Variants in RUNDC1 observed in about 807,000 individuals in gnomAD.
The protein encoded by RUNDC1 is RUN domain containing 1, also known as RUN domain-containing protein 1.
In RUNDC1, 31 loss-of-function variants were observed where a neutral mutation model predicts 49.3. The observed-to-expected ratio is 0.63, with a 90% CI of 0.47 to 0.85. The LOEUF (loss-of-function observed/expected upper bound fraction) is 0.85, where lower values mean the gene tolerates loss of function less well. RUNDC1 is among the 40% of genes least tolerant of loss of function. The probability of loss-of-function intolerance (pLI) is 0.00; values close to 1 mark genes in which losing one functional copy is unlikely to be tolerated. For synonymous variants in RUNDC1, 347 were observed against 348.6 expected (o/e 1.00, Z 0.05); for missense variants, 715 against 806.7 (o/e 0.89, Z 1.38).
rs2151963130 is a variant in RUNDC1 at position 42,994,797 on chromosome 17, G to A, written c.*3081G>A. Among the ~76,000 whole-genome samples, 1 of 152,276 alleles carries A rather than the reference G, an allele frequency of 6.6e-6. No individual in the cohort carries two copies. Among genetic ancestry groups the A allele is most frequent in the East Asian group, 1.9e-4 (1 of 5,176 alleles). On this transcript the variant is annotated 3_prime_UTR_variant, in exon 5 of 5. Coordinates refer to ENST00000361677, the MANE Select transcript of RUNDC1 (RefSeq NM_173079.5). ...CTGTCATTACTGAGAACAGAGCTCT[G>A]TCCTTCACTTAGGGTGAGACAGGAC...
chr17:42,981,299 T>A, intron 1 of RUNDC1: 1 of 564,784 alleles, frequency 1.8e-6, no homozygotes, highest in Non-Finnish European at 3.0e-6. Flanking sequence ...TGTGGAGAGA[T>A]GTCGGTGCGT....
chr17:42,989,183 C>T (rs937217797), intron 2 of RUNDC1, among the ~76,000 whole-genome samples, 158 bp from the exon 3 acceptor site: 1 of 152,136 alleles, frequency 6.6e-6, no homozygotes, highest in Non-Finnish European at 1.5e-5. Flanking sequence ...AGTCTATGTC[C>T]TCACCTTGAT....
chr17:42,991,186 C>T lies in RUNDC1; in HGVS notation c.1312C>T (p.Leu438=), dbSNP rs755598572. 37 of 1,614,092 alleles carry T rather than the reference C, an allele frequency of 2.3e-5. No individual in the cohort carries two copies. Among genetic ancestry groups the T allele is most frequent in the Non-Finnish European group, 3.1e-5 (37 of 1,180,042 alleles). ...GCTAACGGTGGCTGTGAGGGACCTG[C>T]TGGCCCATGGACTGTATGCCTCCTC... ...KELTVAVRDL[L]AHGLYASSPG... Residue 438 remains leucine, a synonymous_variant, in exon 5 of 5, where the codon CTG becomes TTG. Transcript: ENST00000361677.
rs972259909 is a variant in RUNDC1, at chr17:42,982,832, A to C, written c.498+1758A>C. Among the ~76,000 whole-genome samples the C allele has an allele frequency of 3.3e-4, 50 of 151,396 alleles. 1 individual carries two copies. Among genetic ancestry groups the C allele is most frequent in the South Asian group, 2.1e-4 (1 of 4,790 alleles). On this transcript the variant is annotated intron_variant, in intron 1 of 4. Coordinates refer to ENST00000361677, the MANE Select transcript of RUNDC1 (RefSeq NM_173079.5). ...CTACTAAAAATACAAAAAAAAAAAA[A>C]AAAAACTAGCCAGACATGGTGGCAC...
chr17:42,991,090 A>T lies in RUNDC1; in HGVS notation c.1216A>T (p.Ile406Phe). The T allele has an allele frequency of 4.3e-6, 7 of 1,614,178 alleles. No homozygotes were observed. Among genetic ancestry groups the T allele is most frequent in the Non-Finnish European group, 5.9e-6 (7 of 1,180,020 alleles). Reference protein sequence around the residue: ...ALRQQPHDHVITSANLQDLSL... With the variant: ...ALRQQPHDHVFTSANLQDLSL... The stretch of plus-strand genomic sequence containing the variant: ...GAGGCAGCAGCCACATGACCATGTC[A>T]TCACCTCTGCCAACCTCCAGGACCT... Residue 406 changes from isoleucine (I) to phenylalanine (F), a missense_variant, in exon 5 of 5, where the codon ATC (isoleucine) becomes TTC (phenylalanine). By Grantham distance (21) the Ile-to-Phe change is conservative. Coordinates refer to ENST00000361677, the MANE Select transcript of RUNDC1 (RefSeq NM_173079.5).
At chr17:42,984,424 G>A (rs2151957389) in intron 1 of RUNDC1, among the ~76,000 whole-genome samples, 1 of 152,196 alleles carries the variant, frequency 6.6e-6, no homozygotes. Flanking sequence ...GGGACTGCAG[G>A]CATGTGCCAC....
Position 42,991,908 on chromosome 17 carries a change from C to T in RUNDC1, c.*192C>T, listed in dbSNP as rs529433902. 1 of 628,616 alleles carries T rather than the reference C, an allele frequency of 1.6e-6. No homozygotes were observed. The highest frequency in any genetic ancestry group is 2.7e-6 in the Non-Finnish European group (1 of 369,094). The allele number at this position is 628,616 out of a possible 1,614,324, so 38.9% of individuals were successfully genotyped here. On this transcript the variant is annotated 3_prime_UTR_variant, in exon 5 of 5. Coordinates refer to ENST00000361677, the MANE Select transcript of RUNDC1 (RefSeq NM_173079.5). ...CTCTCGGAAAGATGTGCTGGAGGGA[C>T]CCTCTTGTTAAGAAGGTTCTGCCAG...
chr17:42,991,639 C>T lies in RUNDC1; in HGVS notation c.1765C>T (p.Arg589Cys), dbSNP rs375753180. 3.5e-5 allele frequency: 56 copies of T among 1,614,122 alleles called. No individual in the cohort carries two copies. Among genetic ancestry groups the T allele is most frequent in the Middle Eastern group, 3.3e-4 (2 of 6,062 alleles). ...TGAGAGTGCCCTCAACCTGCTCAGT[C>T]GCCTCAGCAGCCTCAAGTTTAGCCT... ...GFESALNLLS[R>C]LSSLKFSLPV... Residue 589 changes from arginine (R) to cysteine (C), a missense_variant, in exon 5 of 5, where the codon CGC (arginine) becomes TGC (cysteine). This residue lies in a region of RUNDC1 where 425 missense variants were observed against 499.7 expected (regional missense o/e 0.85). Coordinates refer to ENST00000361677, the MANE Select transcript of RUNDC1 (RefSeq NM_173079.5).
chr17:42,991,362 C>T lies in RUNDC1; in HGVS notation c.1488C>T (p.Leu496=), dbSNP rs777111760. Residue 496 remains leucine, a synonymous_variant, in exon 5 of 5, where the codon CTC becomes CTT. Transcript: ENST00000361677. ...ATGTGGAATCCCCAGCCCGGAAGCT[C>T]TCCCAGTCCTTCGCCCTTCCTGTTA... is the stretch of plus-strand genomic sequence containing the variant. ...RAYVESPARK[L]SQSFALPVTG... The T allele has an allele frequency of 6.2e-7, 1 of 1,614,252 alleles. No individual in the cohort carries two copies. The highest frequency in any genetic ancestry group is 8.5e-7 in the Non-Finnish European group (1 of 1,180,048).
rs2050269255 is a variant in RUNDC1, at chr17:42,993,306, T to G, written c.*1590T>G. 1 of 152,202 alleles carries G rather than the reference T, an allele frequency of 6.6e-6. No individual in the cohort carries two copies. Among genetic ancestry groups the G allele is most frequent in the Non-Finnish European group, 1.5e-5 (1 of 68,046 alleles). 9.4% of individuals were successfully genotyped at this position (152,202 alleles called of 1,614,324 possible). On this transcript the variant is annotated 3_prime_UTR_variant, in exon 5 of 5. Transcript: ENST00000361677. ...TAGTTCATATTTGGCATGCAGCTTGTGGTGAGTACTGTTCTAGGACTGGCC... is the reference window on the plus strand; with the variant it reads ...TAGTTCATATTTGGCATGCAGCTTGGGGTGAGTACTGTTCTAGGACTGGCC...
rs1388906559 is a variant in RUNDC1 at position 42,980,833 on chromosome 17, AGCG to A, written c.266_268del (p.Arg89del). The stretch of plus-strand genomic sequence containing the variant: ...CGGACGCTGCGGCGGCTGCGGGCAG[AGCG>A]GCGGCGGCTGGACTCGGCGCTGCTG... On this transcript the variant is annotated inframe_deletion, in exon 1 of 5. Transcript: ENST00000361677. 3.6e-6 allele frequency: 5 copies of A among 1,380,962 alleles called. No individual in the cohort carries two copies. Among genetic ancestry groups the A allele is most frequent in the Non-Finnish European group, 3.7e-6 (4 of 1,078,134 alleles). The allele number at this position is 1,380,962 out of a possible 1,614,324, so 85.5% of individuals were successfully genotyped here. A position where few individuals can be genotyped will look rare whatever the true frequency, so the allele number is the denominator to read the frequency against.
chr17:42,988,646 C>T (rs1597758027), intron 2 of RUNDC1, among the ~76,000 whole-genome samples: 1 of 151,916 alleles, frequency 6.6e-6, no homozygotes, highest in Non-Finnish European at 1.5e-5. Context: ...TCTTTAGTTG[C>T]CTACAGTAGG....
At chr17:42,985,562 G>T in intron 1 of RUNDC1, 1 of 337,836 alleles carries the variant, frequency 3.0e-6, no homozygotes, top group Non-Finnish European at 4.2e-6. Flanking sequence ...CAAGAGGATT[G>T]CATTTTAAAT....
At chr17:42,981,256 G>T in intron 1 of RUNDC1, 182 bp downstream of exon 1, 1 of 709,424 alleles carries the variant, frequency 1.4e-6, no homozygotes, top group Non-Finnish European at 2.2e-6. Context: ...ACAGAGGCCT[G>T]GGAACCTGAG....
At chr17:42,986,191 G>A (rs1320473596) in intron 1 of RUNDC1, among the ~76,000 whole-genome samples, 1 of 151,724 alleles carries the variant, frequency 6.6e-6, no homozygotes, top group Non-Finnish European at 1.5e-5. Flanking sequence ...AGGGTCTTGT[G>A]AAGCCTTGAC....
intron 2 of RUNDC1, among the ~76,000 whole-genome samples, chr17:42,988,838 G>A (rs2050202559): frequency 6.6e-6 from 1 of 152,072 alleles, no homozygotes; most frequent in Non-Finnish European, 1.5e-5. Context: ...AATTAACTAG[G>A]TGGTAGCGTG....
rs1277087552 is a variant in RUNDC1, at chr17:42,980,984, C to T, written c.408C>T (p.His136=). 1.1e-5 allele frequency: 17 copies of T among 1,545,194 alleles called. No individual in the cohort carries two copies. The highest frequency in any genetic ancestry group is 2.4e-5 in the East Asian group (1 of 41,374). Residue 136 remains histidine (H), a synonymous_variant, in exon 1 of 5, where the codon CAC becomes CAT. Transcript: ENST00000361677. ...LEDFAFRGCP[H]VLGYEGPGDP... Reference sequence around the variant, plus strand: ...ACTTCGCCTTCCGCGGCTGCCCTCACGTCCTAGGTTACGAAGGGCCCGGCG... The same window carrying T: ...ACTTCGCCTTCCGCGGCTGCCCTCATGTCCTAGGTTACGAAGGGCCCGGCG...
At position 42,991,666 on chromosome 17, in the gene RUNDC1, C is replaced by T; in HGVS notation, c.1792C>T (p.Pro598Ser). Residue 598 changes from proline to serine, a missense_variant, in exon 5 of 5, where the codon CCT becomes TCT. By Grantham distance (74) the Pro-to-Ser change is moderately conservative. Coordinates refer to ENST00000361677, the MANE Select transcript of RUNDC1 (RefSeq NM_173079.5). ...CCTCAGCAGCCTCAAGTTTAGCCTCCCTGTAGATCTGGCTGTGCGCCAGCT... is the reference window on the plus strand; with the variant it reads ...CCTCAGCAGCCTCAAGTTTAGCCTCTCTGTAGATCTGGCTGTGCGCCAGCT... ...SRLSSLKFSL[P>S]VDLAVRQLKN... The T allele has an allele frequency of 1.2e-6, 2 of 1,613,946 alleles. No individual in the cohort carries two copies. The highest frequency in any genetic ancestry group is 1.7e-6 in the Non-Finnish European group (2 of 1,179,982).
rs114387949 is a variant in RUNDC1, at chr17:42,985,958, T to A, written c.499-1298T>A. ...CACATCCCCATTATGTGGCTTTTGG[T>A]TTTTTTTCACTGGCCTAGGCACTTG... On this transcript the variant is annotated intron_variant, in intron 1 of 4. Transcript: ENST00000361677. Among the ~76,000 whole-genome samples the A allele has an allele frequency of 9.8e-3, 1,495 of 152,012 alleles. 19 individuals are homozygous for A. Among genetic ancestry groups the A allele is most frequent in the Middle Eastern group, 0.034 (10 of 294 alleles).
Sources: gnomAD v4.1 joint callset for allele counts (sites outside exome capture counted in the v4.1 genomes callset) on GRCh38, gnomAD v4.1.1 for gene constraint, gnomAD v4.1.1 regional missense constraint, MANE v1.5 for transcripts, NCBI Gene and HGNC (gene_info 2026-07-23, HGNC 2026-07-21) for gene names.